AOAH: variants seen among roughly 807,000 people sequenced by gnomAD.
The protein encoded by AOAH is acyloxyacyl hydrolase.
A neutral mutation model predicts 92.2 loss-of-function variants in AOAH; 64 were observed. The observed-to-expected ratio is 0.69, with a 90% CI of 0.57 to 0.86. The LOEUF is 0.86. Ranked by LOEUF, AOAH falls within the 40% of genes least tolerant of loss-of-function variation. The probability of loss-of-function intolerance (pLI) is 0.00; values close to 1 mark genes in which losing one functional copy is unlikely to be tolerated. For synonymous variants in AOAH, 263 were observed against 254.5 expected (o/e 1.03, Z -0.32); for missense variants, 656 against 694.6 (o/e 0.94, Z 0.62).
chr7:36,579,203 C>T (rs1473525761), intron 12 of AOAH, among the ~76,000 whole-genome samples: 1 of 152,064 alleles, frequency 6.6e-6, no homozygotes, highest in Non-Finnish European at 1.5e-5. Flanking sequence ...GAACTGAACT[C>T]AGCCTTGCCA....
chr7:36,716,952 A>G (rs1799225984), intron 1 of AOAH, among the ~76,000 whole-genome samples: 1 of 150,656 alleles, frequency 6.6e-6, no homozygotes, highest in African/African-American at 2.4e-5. Context: ...GTGCACATGT[A>G]CCCTAAAACT....
chr7:36,539,785 G>A (rs1766780681), intron 16 of AOAH, among the ~76,000 whole-genome samples: 2 of 152,164 alleles, frequency 1.3e-5, no homozygotes, highest in South Asian at 4.1e-4. Context: ...CAAATTACTA[G>A]CACTTTTATG....
intron 7 of AOAH, among the ~76,000 whole-genome samples, chr7:36,622,411 A>C (rs36087062): frequency 0.053 from 8,088 of 152,316 alleles, 242 homozygotes; most frequent in East Asian, 0.094. Context: ...ATGTGAATCA[A>C]GAGTTATAAT....
chr7:36,671,316 T>C (rs1309232028), intron 3 of AOAH, among the ~76,000 whole-genome samples: 1 of 152,142 alleles, frequency 6.6e-6, no homozygotes, highest in East Asian at 1.9e-4. Context: ...TCTCTCCTTT[T>C]CCCCCCAACT....
At chr7:36,545,898 C>T (rs1346483142) in intron 15 of AOAH, among the ~76,000 whole-genome samples, 1 of 152,220 alleles carries the variant, frequency 6.6e-6, no homozygotes, top group Non-Finnish European at 1.5e-5. Context: ...CTGCCTCCGC[C>T]ACCCCAAGGT....
chr7:36,695,754 G>T (rs1797670350), intron 1 of AOAH, among the ~76,000 whole-genome samples: 1 of 152,126 alleles, frequency 6.6e-6, no homozygotes, highest in Admixed American at 6.5e-5. Flanking sequence ...CCAAATCTGT[G>T]GCTAATCTTT....
chr7:36,571,507 CT>C (rs1788146022), intron 13 of AOAH, among the ~76,000 whole-genome samples: 1 of 152,206 alleles, frequency 6.6e-6, no homozygotes, highest in South Asian at 2.1e-4. Context: ...TGGTTAATTC[CT>C]ATCCTTATCC....
chr7:36,721,564 C>T (rs1249886840), intron 1 of AOAH, among the ~76,000 whole-genome samples: 1 of 152,184 alleles, frequency 6.6e-6, no homozygotes, highest in Non-Finnish European at 1.5e-5. Context: ...TTGCACCCAC[C>T]TTTCTTGCTA....
At chr7:36,514,547 G>A in intron 20 of AOAH, 3 of 1,535,880 alleles carry the variant, frequency 2.0e-6, no homozygotes, top group East Asian at 2.4e-5. Context: ...GTTGTCCAGT[G>A]TCTGGCTTGT....
At chr7:36,522,848 G>A (rs1038830273) in intron 19 of AOAH, among the ~76,000 whole-genome samples, 2 of 152,108 alleles carry the variant, frequency 1.3e-5, no homozygotes, top group Non-Finnish European at 2.9e-5. Flanking sequence ...CTTGCCCAGC[G>A]TCCAGTGAGG....
At chr7:36,710,311 G>C (rs1343170349) in intron 1 of AOAH, among the ~76,000 whole-genome samples, 1 of 152,160 alleles carries the variant, frequency 6.6e-6, no homozygotes, top group Non-Finnish European at 1.5e-5. Flanking sequence ...GTTTTCTCTA[G>C]CTTGTTTTGA....
intron 11 of AOAH, among the ~76,000 whole-genome samples, chr7:36,601,452 T>A (rs999966070): frequency 1.3e-5 from 2 of 152,120 alleles, no homozygotes; most frequent in African/African-American, 4.8e-5. Flanking sequence ...ACCAGGCAGC[T>A]GTGGGCTCCT....
chr7:36,573,518 G>C (rs1788279601), intron 13 of AOAH, among the ~76,000 whole-genome samples: 1 of 152,212 alleles, frequency 6.6e-6, no homozygotes, highest in Non-Finnish European at 1.5e-5. Context: ...AGGAGTTTGA[G>C]ACCAGTCTGG....
intron 4 of AOAH, among the ~76,000 whole-genome samples, chr7:36,644,630 C>T (rs1794116095): frequency 6.6e-6 from 1 of 152,106 alleles, no homozygotes; most frequent in Non-Finnish European, 1.5e-5. Flanking sequence ...AGTAACTGGG[C>T]TTTCTAAGGT....
chr7:36,664,401 C>T (rs2116574101), intron 3 of AOAH, among the ~76,000 whole-genome samples: 1 of 152,228 alleles, frequency 6.6e-6, no homozygotes, highest in South Asian at 2.1e-4. Context: ...TACCTTTGCT[C>T]CTTTGTCAAA....
intron 4 of AOAH, among the ~76,000 whole-genome samples, chr7:36,651,180 T>C (rs1251062356): frequency 6.6e-6 from 1 of 152,250 alleles, no homozygotes; most frequent in Non-Finnish European, 1.5e-5. Context: ...TCTCTCTTCC[T>C]CACTGTTTGT....
chr7:36,678,580 TGTGTGTGTGTGTGTGTGTGTGCGCGCGC>T lies in AOAH; in HGVS notation c.224-4599_224-4572del, dbSNP rs1174228532. Among the ~76,000 whole-genome samples the T allele has an allele frequency of 1.0e-3, 119 of 118,642 alleles. 1 individual carries two copies. The highest frequency in any genetic ancestry group is 1.4e-3 in the Non-Finnish European group (91 of 63,704). The allele number at this position is 118,642 out of a possible 152,430, so 77.8% of individuals were successfully genotyped here. A position where few individuals can be genotyped will look rare whatever the true frequency, so the allele number is the denominator to read the frequency against. On this transcript the variant is annotated intron_variant, in intron 2 of 20. Transcript: ENST00000617537. ...GTGTGTGTGTGTGTGTGTGTGTGTG[TGTGTGTGTGTGTGTGTGTGTGCGCGCGC>T]GCGCGCGTTAGAATTCTGTTTAGCT...
At chr7:36,515,511 C>CCCACATA (rs145319971) in intron 20 of AOAH, among the ~76,000 whole-genome samples, 1 of 58,304 alleles carries the variant, frequency 1.7e-5, no homozygotes, top group African/African-American at 7.8e-5. Context: ...AAACACACCC[C>CCCACATA]CAAACACCAC....
intron 13 of AOAH, among the ~76,000 whole-genome samples, chr7:36,567,998 T>C (rs1490613766): frequency 1.3e-5 from 2 of 152,182 alleles, no homozygotes; most frequent in Admixed American, 6.5e-5. Flanking sequence ...AGAAAAGAAA[T>C]AGAAGTTTAT....
Sources: gnomAD v4.1 joint callset for allele counts (sites outside exome capture counted in the v4.1 genomes callset) on GRCh38, gnomAD v4.1.1 for gene constraint, MANE v1.5 for transcripts, NCBI Gene and HGNC (gene_info 2026-07-23, HGNC 2026-07-21) for gene names.